The following UBE2G1 variants were observed in gnomAD, a reference collection of about 807,000 sequenced individuals.
The protein encoded by UBE2G1 is ubiquitin-conjugating enzyme E2 G1.
UBE2G1 carries 5 observed loss-of-function variants against 22.7 expected under a neutral mutation model. That is an observed-to-expected ratio of 0.22 (90% CI 0.12 to 0.46). The LOEUF (loss-of-function observed/expected upper bound fraction) is 0.46. UBE2G1 is among the 20% of genes least tolerant of loss of function. The pLI, the probability that UBE2G1 is intolerant of heterozygous loss-of-function variation, is 0.99. For synonymous variants in UBE2G1, 74 were observed against 67.5 expected (o/e 1.10, Z -0.47); for missense variants, 88 against 203.9 (o/e 0.43, Z 3.46).
At chr17:4,333,969 T>C (rs557803426) in intron 1 of UBE2G1, among the ~76,000 whole-genome samples, 196 of 132,864 alleles carry the variant, frequency 1.5e-3, no homozygotes, top group African/African-American at 6.6e-3. Context: ...CACCTTCATT[T>C]CCTCAGAAGA....
intron 1 of UBE2G1, among the ~76,000 whole-genome samples, chr17:4,312,908 C>A (rs1242290471): frequency 6.6e-6 from 1 of 151,816 alleles, no homozygotes; most frequent in African/African-American, 2.4e-5. Flanking sequence ...GGAATCCATG[C>A]AGGCAACGCT....
intron 1 of UBE2G1, among the ~76,000 whole-genome samples, chr17:4,349,952 A>C (rs1399533167): frequency 6.6e-6 from 1 of 152,134 alleles, no homozygotes; most frequent in African/African-American, 2.4e-5. Flanking sequence ...TACTTATAGC[A>C]TACCTATTCA....
intron 4 of UBE2G1, among the ~76,000 whole-genome samples, chr17:4,286,875 C>T (rs1348407886): frequency 6.6e-6 from 1 of 151,982 alleles, no homozygotes; most frequent in African/African-American, 2.4e-5. Context: ...AACCCCATCT[C>T]TACTAAAAAC....
intron 1 of UBE2G1, among the ~76,000 whole-genome samples, chr17:4,357,915 C>G (rs993080292): frequency 2.0e-5 from 3 of 151,670 alleles, no homozygotes; most frequent in African/African-American, 7.3e-5. Flanking sequence ...GCCTGGGCAA[C>G]ACAGCAAGAC....
At chr17:4,362,951 T>C (rs556982972) in intron 1 of UBE2G1, among the ~76,000 whole-genome samples, 100 of 152,154 alleles carry the variant, frequency 6.6e-4, no homozygotes, top group African/African-American at 2.3e-3. Context: ...GGTGAAACCC[T>C]GTCTCTACTA....
intron 1 of UBE2G1, 128 bp downstream of exon 1, chr17:4,366,143 A>T: frequency 1.0e-6 from 1 of 977,092 alleles, no homozygotes; most frequent in Non-Finnish European, 1.4e-6. Context: ...CGGAGCCTCG[A>T]GGTCCCCACC....
At chr17:4,361,675 A>G (rs1467396230) in intron 1 of UBE2G1, among the ~76,000 whole-genome samples, 5 of 152,188 alleles carry the variant, frequency 3.3e-5, no homozygotes, top group Non-Finnish European at 7.3e-5. Context: ...ATGATGGCTC[A>G]TGCCTGTAAT....
At chr17:4,278,195 C>T (rs955449418) in intron 5 of UBE2G1, among the ~76,000 whole-genome samples, 31 of 152,108 alleles carry the variant, frequency 2.0e-4, no homozygotes, top group African/African-American at 7.5e-4. Context: ...CCACCGCGCC[C>T]GGCCTAAGGA....
At chr17:4,278,192 G>A (rs200133698) in intron 5 of UBE2G1, among the ~76,000 whole-genome samples, 6 of 152,202 alleles carry the variant, frequency 3.9e-5, no homozygotes, top group African/African-American at 7.2e-5. Context: ...GCGCCACCGC[G>A]CCCGGCCTAA....
chr17:4,353,150 G>A (rs988761517), intron 1 of UBE2G1, among the ~76,000 whole-genome samples: 1 of 151,730 alleles, frequency 6.6e-6, no homozygotes, highest in Admixed American at 6.6e-5. Context: ...CCCAGGAGGC[G>A]GAGGCTGCGG....
intron 1 of UBE2G1, among the ~76,000 whole-genome samples, chr17:4,353,368 G>A (rs542155035): frequency 6.6e-6 from 1 of 152,068 alleles, no homozygotes; most frequent in South Asian, 2.1e-4. Context: ...TAATATTGTG[G>A]TGAAGTAGCT....
intron 1 of UBE2G1, among the ~76,000 whole-genome samples, chr17:4,343,650 G>T (rs953154392): frequency 4.0e-5 from 6 of 150,856 alleles, no homozygotes; most frequent in Admixed American, 2.0e-4. Context: ...GTGTGGTGGC[G>T]CAATCTCGGC....
intron 3 of UBE2G1, among the ~76,000 whole-genome samples, chr17:4,290,118 G>A (rs1468299658): frequency 1.3e-5 from 2 of 151,934 alleles, no homozygotes; most frequent in Non-Finnish European, 2.9e-5. Context: ...ATTAAAAAAA[G>A]GTCCTAATCC....
intron 1 of UBE2G1, among the ~76,000 whole-genome samples, chr17:4,348,633 G>A (rs549101761): frequency 6.6e-6 from 1 of 151,564 alleles, no homozygotes; most frequent in East Asian, 1.9e-4. Context: ...GGAGGCTGAA[G>A]TGGGTAGATC....
chr17:4,285,731 CACG>C (rs1968955318), intron 4 of UBE2G1, among the ~76,000 whole-genome samples: 1 of 152,050 alleles, frequency 6.6e-6, no homozygotes, highest in African/African-American at 2.4e-5. Flanking sequence ...GCAGGCGGAT[CACG>C]ACATCAAGTA....
chr17:4,282,753 G>A (rs1451723842), intron 5 of UBE2G1, 45 bp downstream of exon 5: 10 of 1,279,686 alleles, frequency 7.8e-6, no homozygotes, highest in Non-Finnish European at 1.1e-5. Context: ...AAACTAATAG[G>A]ATACTTACAA....
intron 1 of UBE2G1, among the ~76,000 whole-genome samples, chr17:4,321,946 TTC>T (rs1456787223): frequency 1.1e-4 from 17 of 152,350 alleles, no homozygotes; most frequent in Admixed American, 1.0e-3. Flanking sequence ...AACATAATTT[TTC>T]TTTTTTATAT....
At chr17:4,343,357 C>T (rs956972816) in intron 1 of UBE2G1, among the ~76,000 whole-genome samples, 4 of 151,914 alleles carry the variant, frequency 2.6e-5, no homozygotes, top group Non-Finnish European at 4.4e-5. Context: ...TTTGGGAGGC[C>T]CAGGTGGGTG....
At chr17:4,342,215 T>G (rs920646732) in intron 1 of UBE2G1, among the ~76,000 whole-genome samples, 2 of 152,190 alleles carry the variant, frequency 1.3e-5, no homozygotes, top group Admixed American at 1.3e-4. Context: ...TTATCTCTCC[T>G]TGTCCTGCGT....
Sources: gnomAD v4.1 joint callset for allele counts (sites outside exome capture counted in the v4.1 genomes callset) on GRCh38, gnomAD v4.1.1 for gene constraint, MANE v1.5 for transcripts, NCBI Gene and HGNC (gene_info 2026-07-23, HGNC 2026-07-21) for gene names.